CRISPLD2: variants seen among roughly 807,000 people sequenced by gnomAD.
CRISPLD2 encodes the protein cysteine rich secretory protein LCCL domain containing 2, also known as cysteine-rich secretory protein LCCL domain-containing 2.
In CRISPLD2, 47 loss-of-function variants were observed where a neutral mutation model predicts 71.1. The ratio of observed to expected loss-of-function variants is 0.66; its 90% CI spans 0.52 to 0.84. CRISPLD2 has a LOEUF of 0.84. Among genes scored for constraint, CRISPLD2 ranks in the 40% least tolerant of loss-of-function variants. The pLI is 0.00. For missense variants in CRISPLD2, 830 were observed against 651.1 expected, an observed-to-expected ratio of 1.27 and a Z score of -2.99; for synonymous variants, 317 against 250.1, an observed-to-expected ratio of 1.27 and a Z score of -2.52.
intron 3 of CRISPLD2, among the ~76,000 whole-genome samples, chr16:84,847,979 CT>C (rs1916962286): frequency 6.6e-6 from 1 of 152,170 alleles, no homozygotes; most frequent in South Asian, 2.1e-4. Flanking sequence ...TTGTTTTTGT[CT>C]TTGTCTCACT....
chr16:84,879,485 C>T (rs2071549533), intron 12 of CRISPLD2, among the ~76,000 whole-genome samples: 1 of 152,012 alleles, frequency 6.6e-6, no homozygotes, highest in African/African-American at 2.4e-5. Context: ...GCCTCAGCGT[C>T]CCGCGTAGCT....
In CRISPLD2 at chr16:84,849,515, C is replaced by G. The variant is rs1917020908; in HGVS notation, c.490C>G (p.Gln164Glu). ...GGGGCCCATGTGCACGCACTACACA[C>G]AGGTAACTCGGGGACTTGCCACGAC... ...CSGPMCTHYT[Q>E]IVWATTNKIG... Residue 164 changes from glutamine to glutamate, a missense_variant and splice_region_variant, in exon 4 of 15, where the codon CAG becomes GAG. Gln to Glu is a conservative substitution (Grantham distance 29, BLOSUM62 2). Coordinates refer to ENST00000262424, the MANE Select transcript of CRISPLD2 (RefSeq NM_031476.4). 2 of 1,613,886 alleles carry G rather than the reference C, an allele frequency of 1.2e-6. No individual in the cohort carries two copies. The highest frequency in any genetic ancestry group is 2.7e-5 in the African/African-American group (2 of 75,052).
At chr16:84,904,921 C>T (rs2071788210) in intron 14 of CRISPLD2, among the ~76,000 whole-genome samples, 1 of 152,154 alleles carries the variant, frequency 6.6e-6, no homozygotes, top group African/African-American at 2.4e-5. Flanking sequence ...GCCAAAAGCA[C>T]AATCTATAAA....
Position 84,840,229 on chromosome 16 carries a change from C to G in CRISPLD2, c.240+1494C>G, listed in dbSNP as rs528478707. Among the ~76,000 whole-genome samples the G allele has an allele frequency of 5.3e-5, 8 of 152,334 alleles. No individual in the cohort carries two copies. In the South Asian group the frequency reaches 8.3e-4, roughly 16 times the overall value. ...CCTGGGTGATGACCCGTGTCTCCCC[C>G]ACAAAGCTGCCATGGAGGGTCGTGG... is the stretch of plus-strand genomic sequence containing the variant. On this transcript the variant is annotated intron_variant, in intron 2 of 14. Transcript: ENST00000262424.
rs1480186455 is a variant in CRISPLD2 at position 84,831,139 on chromosome 16, G to A, written c.-74-7283G>A. Among the ~76,000 whole-genome samples, 6 of 152,332 alleles carry A rather than the reference G, an allele frequency of 3.9e-5. 1 individual carries two copies. In the South Asian group the frequency reaches 1.2e-3, roughly 32 times the overall value. Reference sequence around the variant, plus strand: ...CAGGGCCGGGGGTGCCCATGGGCCTGTCAACTCAGCTGAGACGCAGCCATG... The same window carrying A: ...CAGGGCCGGGGGTGCCCATGGGCCTATCAACTCAGCTGAGACGCAGCCATG... On this transcript the variant is annotated intron_variant, in intron 1 of 14. Transcript: ENST00000262424.
At chr16:84,856,010 C>T (rs1315455249) in intron 6 of CRISPLD2, among the ~76,000 whole-genome samples, 1 of 152,242 alleles carries the variant, frequency 6.6e-6, no homozygotes, top group Non-Finnish European at 1.5e-5. Flanking sequence ...ATAACAATTA[C>T]AGTCCTCATA....
chr16:84,880,234 T>G (rs544730922), intron 12 of CRISPLD2, among the ~76,000 whole-genome samples: 1 of 152,244 alleles, frequency 6.6e-6, no homozygotes, highest in African/African-American at 2.4e-5. Context: ...TCTTAGATTT[T>G]TATTCTCTTT....
intron 1 of CRISPLD2, among the ~76,000 whole-genome samples, chr16:84,821,993 G>A (rs963637759): frequency 6.6e-6 from 1 of 152,228 alleles, no homozygotes; most frequent in Admixed American, 6.5e-5. Context: ...CAGATTCTGG[G>A]GGAAGGTGCC....
chr16:84,884,875 G>A (rs942146194), intron 13 of CRISPLD2, among the ~76,000 whole-genome samples: 5 of 152,224 alleles, frequency 3.3e-5, no homozygotes, highest in African/African-American at 1.2e-4. Context: ...CTCTCAACCA[G>A]GAGGGTGCCC....
chr16:84,826,793 C>T (rs1276125287), intron 1 of CRISPLD2, among the ~76,000 whole-genome samples: 3 of 152,078 alleles, frequency 2.0e-5, no homozygotes, highest in Admixed American at 2.0e-4. Context: ...TGGACTTTAT[C>T]TGGGGCCTGA....
chr16:84,898,545 GT>G (rs925568724), intron 14 of CRISPLD2, among the ~76,000 whole-genome samples: 4 of 152,140 alleles, frequency 2.6e-5, no homozygotes, highest in Non-Finnish European at 5.9e-5. Context: ...CCTAGGCAGC[GT>G]TCTCCACCAT....
In CRISPLD2 at chr16:84,849,666, G is replaced by C. The variant is rs1003652092; in HGVS notation, c.492+149G>C. On this transcript the variant is annotated intron_variant, in intron 4 of 14. Coordinates refer to ENST00000262424, the MANE Select transcript of CRISPLD2 (RefSeq NM_031476.4). ...TCAGTTCTATACAGAGTACAGCTGGGAGAAGAAGCTGTTTGTTACCAGCAA... is the reference window on the plus strand; with the variant it reads ...TCAGTTCTATACAGAGTACAGCTGGCAGAAGAAGCTGTTTGTTACCAGCAA... 4 of 787,886 alleles carry C rather than the reference G, an allele frequency of 5.1e-6. No individual in the cohort carries two copies. In the African/African-American group the frequency reaches 5.1e-5, roughly 10 times the overall value. The allele number at this position is 787,886 out of a possible 1,614,324, so 48.8% of individuals were successfully genotyped here. A position where few individuals can be genotyped will look rare whatever the true frequency, so the allele number is the denominator to read the frequency against.
At chr16:84,827,141 C>T (rs1233597723) in intron 1 of CRISPLD2, among the ~76,000 whole-genome samples, 1 of 151,634 alleles carries the variant, frequency 6.6e-6, no homozygotes, top group Non-Finnish European at 1.5e-5. Flanking sequence ...GCCCCCGCAC[C>T]CCCCAAGGTA....
rs567695633 is a variant in CRISPLD2, at chr16:84,868,740, A to G, written c.854-111A>G. ...ATCAGGCATTGCCCTTGCTCTTAGTATAGCACGGATTGGATTGCAGAATGT... is the reference window on the plus strand; with the variant it reads ...ATCAGGCATTGCCCTTGCTCTTAGTGTAGCACGGATTGGATTGCAGAATGT... On this transcript the variant is annotated intron_variant, in intron 7 of 14. Transcript: ENST00000262424. 2.8e-3 allele frequency: 2,558 copies of G among 901,646 alleles called. 6 individuals are homozygous for G. Among genetic ancestry groups the G allele is most frequent in the Non-Finnish European group, 4.1e-3 (2,253 of 549,610 alleles). 55.9% of individuals were successfully genotyped at this position (901,646 alleles called of 1,614,324 possible). A position where few individuals can be genotyped will look rare whatever the true frequency, so the allele number is the denominator to read the frequency against.
intron 4 of CRISPLD2, among the ~76,000 whole-genome samples, 178 bp from the exon 5 acceptor site, chr16:84,850,390 C>T (rs1440812290): frequency 1.3e-5 from 2 of 152,154 alleles, no homozygotes; most frequent in African/African-American, 2.4e-5. Context: ...CACCGGCCCA[C>T]TTGCTTTGCT....
chr16:84,848,966 A>AG (rs1332161617), intron 3 of CRISPLD2, among the ~76,000 whole-genome samples: 3 of 72,672 alleles, frequency 4.1e-5, no homozygotes, highest in Non-Finnish European at 1.1e-4. Context: ...AGCCTGGGCG[A>AG]CAGAGCGAGA....
At chr16:84,852,664 TG>T (rs932043777) in intron 5 of CRISPLD2, among the ~76,000 whole-genome samples, 20 of 143,864 alleles carry the variant, frequency 1.4e-4, no homozygotes, top group East Asian at 4.1e-4. Context: ...AGTTTGGGTG[TG>T]GGGGGGGTCA....
At chr16:84,867,560 C>T (rs1917575559) in intron 7 of CRISPLD2, among the ~76,000 whole-genome samples, 1 of 152,180 alleles carries the variant, frequency 6.6e-6, no homozygotes, top group African/African-American at 2.4e-5. Flanking sequence ...GAGATCATTG[C>T]AGAGTTGCCT....
intron 14 of CRISPLD2, among the ~76,000 whole-genome samples, chr16:84,892,789 A>C (rs1211042000): frequency 6.6e-6 from 1 of 151,918 alleles, no homozygotes; most frequent in Admixed American, 6.6e-5. Flanking sequence ...CAGCCTGACC[A>C]ACATGGTGAA....
Sources: allele counts gnomAD v4.1 joint callset (sites outside exome capture counted in the v4.1 genomes callset), GRCh38; gene constraint gnomAD v4.1.1; transcripts MANE v1.5; gene names NCBI Gene and HGNC (gene_info 2026-07-23, HGNC 2026-07-21).